The following ZDBF2 variants were observed in gnomAD, a reference collection of about 807,000 sequenced individuals.
The protein encoded by ZDBF2 is zinc finger DBF-type containing 2, also known as DBF4-type zinc finger-containing protein 2.
A neutral mutation model predicts 9.4 loss-of-function variants in ZDBF2; 6 were observed. The observed-to-expected ratio is 0.64, with a 90% confidence interval of 0.35 to 1.27. The LOEUF is 1.27. Ranked by LOEUF, ZDBF2 falls within the 50% of genes most tolerant of loss-of-function variation. The pLI is 0.03. For synonymous variants in ZDBF2, 905 were observed against 946.3 expected, an observed-to-expected ratio of 0.96 and a Z score of 0.80; for missense variants, 2,697 against 2,766.8, an observed-to-expected ratio of 0.97 and a Z score of 0.57.
rs1419504974 is a variant in ZDBF2, at chr2:206,309,658, G to A, written c.5130G>A (p.Val1710=). The change falls in exon 5 of 5, where the codon GTG becomes GTA. Residue 1710 remains valine, a synonymous_variant. Coordinates refer to ENST00000374423, the MANE Select transcript of ZDBF2 (RefSeq NM_020923.3). ...GKSCQSSASA[V]DFGASSKSAL... Reference sequence around the variant, plus strand: ...GCTGTCAGTCTAGTGCTTCTGCAGTGGATTTTGGTGCCTCTTCCAAGTCAG... The same window carrying A: ...GCTGTCAGTCTAGTGCTTCTGCAGTAGATTTTGGTGCCTCTTCCAAGTCAG... 1.9e-6 allele frequency: 3 copies of A among 1,613,892 alleles called. No individual in the cohort carries two copies. The African/African-American group carries it at 4.0e-5, about 22-fold the overall frequency.
chr2:206,310,429 A>AC lies in ZDBF2; in HGVS notation c.5903dup (p.Ser1970LysfsTer2), dbSNP rs765779712. The AC allele has an allele frequency of 5.0e-6, 8 of 1,613,888 alleles. No homozygotes were observed. On this transcript the variant is annotated frameshift_variant, in exon 5 of 5. Transcript: ENST00000374423. LOFTEE classifies it low-confidence loss of function (END_TRUNC). ...AAATAATTAGACAAGAGGAAGACCCACCAAAAAGTAAGTGTTCACGTTTAC... is the reference window on the plus strand; with the variant it reads ...AAATAATTAGACAAGAGGAAGACCCACCCAAAAAGTAAGTGTTCACGTTTAC...
At chr2:206,298,152 C>T (rs1692297532) in intron 4 of ZDBF2, among the ~76,000 whole-genome samples, 1 of 152,114 alleles carries the variant, frequency 6.6e-6, no homozygotes, top group Non-Finnish European at 1.5e-5. Flanking sequence ...GATAGCTTTT[C>T]TTGTATCCAT....
chr2:206,282,547 A>G (rs1218046427), intron 3 of ZDBF2, among the ~76,000 whole-genome samples: 1 of 152,190 alleles, frequency 6.6e-6, no homozygotes, highest in Non-Finnish European at 1.5e-5. Context: ...TCGATTCTTT[A>G]AGACATTGTA....
In ZDBF2 at chr2:206,305,992, A is replaced by G. The variant is rs777154942; in HGVS notation, c.1464A>G (p.Glu488=). The part of the protein sequence containing the change: ...RHISLVDQSY[E]SSSSETNFDC... ...TTAGCCTGGTTGACCAAAGCTATGA[A>G]TCTAGTAGTTCTGAAACGAATTTTG... is the stretch of plus-strand genomic sequence containing the variant. Residue 488 remains glutamate, a synonymous_variant, in exon 5 of 5, where the codon GAA becomes GAG. Transcript: ENST00000374423. 8 of 1,613,248 alleles carry G rather than the reference A, an allele frequency of 5.0e-6. No individual in the cohort carries two copies. The South Asian group carries it at 8.8e-5, about 18-fold the overall frequency.
intron 3 of ZDBF2, among the ~76,000 whole-genome samples, chr2:206,292,804 G>A (rs1691964193): frequency 6.6e-6 from 1 of 152,006 alleles, no homozygotes; most frequent in African/African-American, 2.4e-5. Flanking sequence ...ATAAGAAAAT[G>A]TAAGATCTTT....
chr2:206,289,881 C>T (rs894431939), intron 3 of ZDBF2, among the ~76,000 whole-genome samples: 9 of 152,076 alleles, frequency 5.9e-5, no homozygotes, highest in African/African-American at 2.2e-4. Flanking sequence ...CAGCTGATCC[C>T]AGTTGGGAAT....
chr2:206,291,702 C>T (rs1222171443), intron 3 of ZDBF2, among the ~76,000 whole-genome samples: 1 of 152,160 alleles, frequency 6.6e-6, no homozygotes, highest in Non-Finnish European at 1.5e-5. Context: ...ACTTATTTTG[C>T]ATCTGTGGGA....
Position 206,309,264 on chromosome 2 carries a change from G to C in ZDBF2, c.4736G>C (p.Gly1579Ala), listed in dbSNP as rs1348581089. The C allele has an allele frequency of 1.2e-6, 2 of 1,610,350 alleles. No homozygotes were observed. The highest frequency in any genetic ancestry group is 1.7e-6 in the Non-Finnish European group (2 of 1,178,246). Residue 1579 changes from glycine to alanine, a missense_variant, in exon 5 of 5, where the codon GGT becomes GCT. Physicochemically the swap from Gly to Ala is moderately conservative, Grantham distance 60. Around this residue, in one of 3 missense-constraint regions of ZDBF2, gnomAD observed 1,783 missense variants for 1,776.5 expected, o/e 1.00. Coordinates refer to ENST00000374423, the MANE Select transcript of ZDBF2 (RefSeq NM_020923.3). ...GAAGATAAGAGCTGTGACTTTTTTG[G>C]TTCTGAAGTCAGATGTAATTGTAAA... ...DIEDKSCDFF[G>A]SEVRCNCKAS...
In ZDBF2 at chr2:206,306,467, A is replaced by G. The variant is rs1487098160; in HGVS notation, c.1939A>G (p.Asn647Asp). The G allele has an allele frequency of 6.2e-7, 1 of 1,613,822 alleles. No individual in the cohort carries two copies. Among genetic ancestry groups the G allele is most frequent in the South Asian group, 1.1e-5 (1 of 91,084 alleles). The change falls in exon 5 of 5, where the codon AAT becomes GAT. Residue 647 changes from asparagine to aspartate, a missense_variant. By Grantham distance (23) the Asn-to-Asp change is conservative (BLOSUM62 1). This residue lies in a region of ZDBF2 where 910 missense variants were observed against 973.6 expected (regional missense o/e 0.93). Transcript: ENST00000374423. ...DESQRAVEKI[N>D]LLKEKNADLM... ...ATCCCAGAGGGCTGTTGAAAAGATA[A>G]ATCTTCTGAAGGAGAAGAATGCTGA... is the stretch of plus-strand genomic sequence containing the variant.
rs1475356120 is a variant in ZDBF2 at position 206,307,690 on chromosome 2, C to T, written c.3162C>T (p.Asp1054=). The T allele has an allele frequency of 6.2e-7, 1 of 1,613,416 alleles. No individual in the cohort carries two copies. The highest frequency in any genetic ancestry group is 8.5e-7 in the Non-Finnish European group (1 of 1,179,682). Residue 1054 remains aspartate, a synonymous_variant, in exon 5 of 5, where the codon GAC becomes GAT. Transcript: ENST00000374423. ...ATGTTCCACCTCAGTCAATGACTGA[C>T]CAACCTCAACTAGCTTTTTTGAAGG... The part of the protein sequence containing the change: ...DSNVPPQSMT[D]QPQLAFLKEK...
chr2:206,292,098 A>G (rs1422076152), intron 3 of ZDBF2: 2 of 398,290 alleles, frequency 5.0e-6, no homozygotes, highest in African/African-American at 4.1e-5. Flanking sequence ...TACAGGAAGT[A>G]ATGAAGAACA....
chr2:206,303,306 C>CT (rs1242815077), intron 4 of ZDBF2, among the ~76,000 whole-genome samples: 3 of 150,690 alleles, frequency 2.0e-5, no homozygotes, highest in African/African-American at 4.9e-5. Context: ...ATGTGTCTGC[C>CT]TTCTGCAGCT....
At chr2:206,291,217 G>C (rs943227585) in intron 3 of ZDBF2, among the ~76,000 whole-genome samples, 1 of 152,202 alleles carries the variant, frequency 6.6e-6, no homozygotes, top group Non-Finnish European at 1.5e-5. Flanking sequence ...CACAGATGGG[G>C]TGGAGGGGTG....
chr2:206,289,301 G>T (rs930988218), intron 3 of ZDBF2, among the ~76,000 whole-genome samples: 2 of 152,128 alleles, frequency 1.3e-5, no homozygotes, highest in Admixed American at 1.3e-4. Flanking sequence ...AGGTATTGGG[G>T]TGTGTGACTA....
chr2:206,303,947 C>T (rs1692633316), intron 4 of ZDBF2, among the ~76,000 whole-genome samples: 1 of 152,150 alleles, frequency 6.6e-6, no homozygotes, highest in Non-Finnish European at 1.5e-5. Context: ...AACCAGTACC[C>T]AGTTACTGAG....
In ZDBF2 at chr2:206,308,046, A is replaced by G. The variant is rs77587473; in HGVS notation, c.3518A>G (p.Asn1173Ser). Reference sequence around the variant, plus strand: ...GGTTTCTTGGGTCAGTCAATAGTCAATCGACCTCAAATAACTATTTTGGAG... The same window carrying G: ...GGTTTCTTGGGTCAGTCAATAGTCAGTCGACCTCAAATAACTATTTTGGAG... ...DSGFLGQSIV[N>S]RPQITILEQE... is the part of the protein sequence containing the mutation. The change falls in exon 5 of 5, where the codon AAT (asparagine) becomes AGT (serine). Residue 1173 changes from asparagine (N) to serine (S), a missense_variant. Around this residue, in one of 3 missense-constraint regions of ZDBF2, gnomAD observed 1,783 missense variants for 1,776.5 expected, o/e 1.00. Coordinates refer to ENST00000374423, the MANE Select transcript of ZDBF2 (RefSeq NM_020923.3). 4,128 of 1,613,980 alleles carry G rather than the reference A, an allele frequency of 2.6e-3. 175 individuals are homozygous for G. In the East Asian group the frequency reaches 0.076, roughly 30 times the overall value.
chr2:206,283,387 T>TTTGTTG (rs576202197), intron 3 of ZDBF2, among the ~76,000 whole-genome samples: 1 of 151,460 alleles, frequency 6.6e-6, no homozygotes, highest in African/African-American at 2.4e-5. Flanking sequence ...TGTTTTGTTT[T>TTTGTTG]TTGTTGTTGT....
At chr2:206,290,911 G>GT (rs201817127) in intron 3 of ZDBF2, among the ~76,000 whole-genome samples, 2,768 of 151,778 alleles carry the variant, frequency 0.018, 74 homozygotes, top group African/African-American at 0.063. Context: ...GATATCCTTG[G>GT]TTTTTTTTGG....
At position 206,305,687 on chromosome 2, in the gene ZDBF2, C is replaced by T. The variant is rs1263305006; in HGVS notation, c.1159C>T (p.Leu387Phe). ...QPQETAQDLS[L>F]WKEEQIDQED... ...CCAAGAGACTGCACAAGACTTAAGT[C>T]TTTGGAAGGAGGAGCAAATTGACCA... Residue 387 changes from leucine to phenylalanine, a missense_variant, in exon 5 of 5, where the codon CTT (leucine) becomes TTT (phenylalanine). Around this residue, in one of 3 missense-constraint regions of ZDBF2, gnomAD observed 910 missense variants for 973.6 expected, o/e 0.93. Coordinates refer to ENST00000374423, the MANE Select transcript of ZDBF2 (RefSeq NM_020923.3). 4 of 1,613,676 alleles carry T rather than the reference C, an allele frequency of 2.5e-6. No homozygotes were observed. The highest frequency in any genetic ancestry group is 3.4e-6 in the Non-Finnish European group (4 of 1,179,794).
Sources: gnomAD v4.1 joint callset for allele counts (sites outside exome capture counted in the v4.1 genomes callset) on GRCh38, gnomAD v4.1.1 for gene constraint, gnomAD v4.1.1 regional missense constraint, MANE v1.5 for transcripts, NCBI Gene and HGNC (gene_info 2026-07-23, HGNC 2026-07-21) for gene names.